The following PHACTR3 variants were observed in gnomAD, a reference collection of about 807,000 sequenced individuals.
The protein encoded by PHACTR3 is phosphatase and actin regulator 3.
In PHACTR3, 16 loss-of-function variants were observed where a neutral mutation model predicts 66.8. That is an observed-to-expected ratio of 0.24 (90% confidence interval 0.16 to 0.36). The LOEUF (loss-of-function observed/expected upper bound fraction) is 0.36, where lower values mean the gene tolerates loss of function less well. PHACTR3 is among the 10% of genes least tolerant of loss of function. PHACTR3 has a pLI of 1.00. For missense variants in PHACTR3, 647 were observed against 719.9 expected, an observed-to-expected ratio of 0.90 and a Z score of 1.16; for synonymous variants, 323 against 292.1, an observed-to-expected ratio of 1.11 and a Z score of -1.08.
At chr20:59,746,534 G>A (rs1281991673) in intron 2 of PHACTR3, among the ~76,000 whole-genome samples, 2 of 152,234 alleles carry the variant, frequency 1.3e-5, no homozygotes, top group Non-Finnish European at 2.9e-5. Context: ...AAGGCTGCAG[G>A]GCTTCTGCCC....
At chr20:59,580,675 A>G (rs2032831033) in intron 1 of PHACTR3, among the ~76,000 whole-genome samples, 1 of 152,122 alleles carries the variant, frequency 6.6e-6, no homozygotes, top group African/African-American at 2.4e-5. Flanking sequence ...AGGGGCTGCA[A>G]AAGACAGTTT....
chr20:59,648,601 A>G (rs554441116), intron 1 of PHACTR3, among the ~76,000 whole-genome samples: 55 of 152,244 alleles, frequency 3.6e-4, no homozygotes, highest in African/African-American at 1.3e-3. Context: ...GGAGGGGTTG[A>G]CCTTCTGGGG....
intron 1 of PHACTR3, among the ~76,000 whole-genome samples, chr20:59,641,081 G>A (rs948062300): frequency 3.3e-5 from 5 of 151,976 alleles, no homozygotes; most frequent in Non-Finnish European, 4.4e-5. Context: ...GTTCTCCAGA[G>A]GAACACCATC....
At chr20:59,821,996 C>T (rs563243489) in intron 8 of PHACTR3, among the ~76,000 whole-genome samples, 1 of 147,312 alleles carries the variant, frequency 6.8e-6, no homozygotes, top group East Asian at 2.0e-4. Context: ...ACCCCTTCCC[C>T]AGCAATCCCA....
rs537144526 is a variant in PHACTR3 at position 59,686,923 on chromosome 20, GTGA to G, written c.119-56178_119-56176del. ...GGTGGTGGTTGTGATGGTGATGATTGTGATGATGGTGGTGATGATGGTGGTGAT... is the reference window on the plus strand; with the variant it reads ...GGTGGTGGTTGTGATGGTGATGATTGTGATGGTGGTGATGATGGTGGTGAT... On this transcript the variant is annotated intron_variant, in intron 1 of 12. Coordinates refer to ENST00000371015, the MANE Select transcript of PHACTR3 (RefSeq NM_080672.5). 7.2e-3 allele frequency among the ~76,000 whole-genome samples: 1,031 copies of G among 143,046 alleles called. 8 individuals carry two copies. The highest frequency in any genetic ancestry group is 0.01 in the Non-Finnish European group (653 of 64,728). The allele number at this position is 143,046 out of a possible 152,430, so 93.8% of individuals were successfully genotyped here. A position where few individuals can be genotyped will look rare whatever the true frequency, so the allele number is the denominator to read the frequency against.
rs567818648 is a variant in PHACTR3 at position 59,658,373 on chromosome 20, T to C, written c.118+53241T>C. On this transcript the variant is annotated intron_variant, in intron 1 of 12. Transcript: ENST00000371015. The stretch of plus-strand genomic sequence containing the variant: ...TTGCACTTTCCTGTGTTTTTATACA[T>C]ACTAGATTTTTTTCAAAGCTGGACG... 5.9e-5 allele frequency among the ~76,000 whole-genome samples: 9 copies of C among 152,176 alleles called. No individual in the cohort carries two copies. The South Asian group carries it at 1.2e-3, about 21-fold the overall frequency.
chr20:59,831,177 C>A (rs1415724290), intron 8 of PHACTR3, among the ~76,000 whole-genome samples: 1 of 152,154 alleles, frequency 6.6e-6, no homozygotes, highest in African/African-American at 2.4e-5. Context: ...GCCCCCTTGG[C>A]CCCCAGAAAT....
At chr20:59,793,170 T>C (rs1003008378) in intron 7 of PHACTR3, among the ~76,000 whole-genome samples, 3 of 152,184 alleles carry the variant, frequency 2.0e-5, no homozygotes, top group African/African-American at 2.4e-5. Context: ...ATTACAGGTG[T>C]GAGCCCCTGC....
At chr20:59,809,138 A>T (rs2041659199) in intron 8 of PHACTR3, among the ~76,000 whole-genome samples, 1 of 151,894 alleles carries the variant, frequency 6.6e-6, no homozygotes, top group Non-Finnish European at 1.5e-5. Flanking sequence ...CTTGAGCCCC[A>T]GTGTTCCCAA....
intron 1 of PHACTR3, among the ~76,000 whole-genome samples, chr20:59,608,698 G>C (rs1276326032): frequency 6.6e-6 from 1 of 152,154 alleles, no homozygotes; most frequent in Non-Finnish European, 1.5e-5. Context: ...GCTCTGTCCT[G>C]GCTCCATGCC....
intron 1 of PHACTR3, among the ~76,000 whole-genome samples, chr20:59,662,747 C>T (rs1419766859): frequency 1.3e-5 from 2 of 151,838 alleles, no homozygotes; most frequent in African/African-American, 4.8e-5. Context: ...ATCGCTGAGG[C>T]AGGAGGTGCT....
At position 59,825,280 on chromosome 20, in the gene PHACTR3, A is replaced by G. The variant is rs184710195; in HGVS notation, c.1329-11225A>G. ...CACAGGCTTGGAGGGTGGCTTGCCC[A>G]AGGTTGCCTTGTTGCTGTCAAAACC... On this transcript the variant is annotated intron_variant, in intron 8 of 12. Transcript: ENST00000371015. Among the ~76,000 whole-genome samples the G allele has an allele frequency of 3.0e-4, 46 of 152,310 alleles. No individual in the cohort carries two copies. In the East Asian group the frequency reaches 7.9e-3, roughly 26 times the overall value.
At chr20:59,760,895 ATTATC>A (rs1411535343) in intron 4 of PHACTR3, among the ~76,000 whole-genome samples, 2 of 152,078 alleles carry the variant, frequency 1.3e-5, no homozygotes, top group African/African-American at 4.8e-5. Flanking sequence ...TGTGCACTCT[ATTATC>A]TTATAACAGC....
At chr20:59,686,570 T>G (rs1246887870) in intron 1 of PHACTR3, among the ~76,000 whole-genome samples, 4 of 151,366 alleles carry the variant, frequency 2.6e-5, no homozygotes, top group Non-Finnish European at 4.4e-5. Context: ...ATGATGATGG[T>G]CGTGATGATT....
upstream of PHACTR3, among the ~76,000 whole-genome samples, chr20:59,601,768 A>G (rs1297148979): frequency 1.3e-5 from 2 of 152,254 alleles, no homozygotes; most frequent in African/African-American, 2.4e-5. Flanking sequence ...AAAGAATAAT[A>G]TAAGGAAAAG....
chr20:59,779,670 A>G (rs1032024801), intron 7 of PHACTR3, among the ~76,000 whole-genome samples: 1 of 152,236 alleles, frequency 6.6e-6, no homozygotes, highest in Non-Finnish European at 1.5e-5. Flanking sequence ...TCCCATGTGA[A>G]AAAGAAAATT....
chr20:59,768,276 AG>A (rs1346135409), intron 5 of PHACTR3, among the ~76,000 whole-genome samples: 2 of 152,246 alleles, frequency 1.3e-5, no homozygotes, highest in Admixed American at 1.3e-4. Flanking sequence ...GACTTTTCAG[AG>A]TAAAGCCTTG....
chr20:59,709,929 A>C (rs1458897563), intron 1 of PHACTR3, among the ~76,000 whole-genome samples: 1 of 152,094 alleles, frequency 6.6e-6, no homozygotes, highest in Non-Finnish European at 1.5e-5. Flanking sequence ...TTGTAGTGAT[A>C]TGGGACATGG....
At chr20:59,667,819 C>T (rs771846708) in intron 1 of PHACTR3, among the ~76,000 whole-genome samples, 13 of 152,154 alleles carry the variant, frequency 8.5e-5, no homozygotes, top group Non-Finnish European at 1.9e-4. Context: ...ATGTGTGTCA[C>T]GAGAAGGGGC....
Sources: allele counts gnomAD v4.1 joint callset (sites outside exome capture counted in the v4.1 genomes callset), GRCh38; gene constraint gnomAD v4.1.1; transcripts MANE v1.5; gene names NCBI Gene and HGNC (gene_info 2026-07-23, HGNC 2026-07-21).